The following PRKG1 variants were observed in gnomAD, a reference collection of about 807,000 sequenced individuals.
PRKG1 encodes the protein protein kinase cGMP-dependent 1.
PRKG1 carries 35 observed loss-of-function variants against 88.1 expected under a neutral mutation model. That is an observed-to-expected ratio of 0.40 (90% CI 0.30 to 0.53). The LOEUF is 0.53. Ranked by LOEUF, PRKG1 falls within the 20% of genes least tolerant of loss-of-function variation. The pLI, the probability that PRKG1 is intolerant of heterozygous loss-of-function variation, is 0.59. For synonymous variants in PRKG1, 303 were observed against 292.5 expected, an observed-to-expected ratio of 1.04 and a Z score of -0.37; for missense variants, 540 against 839.8, an observed-to-expected ratio of 0.64 and a Z score of 4.41.
chr10:51,475,047 G>C (rs1840153490), intron 3 of PRKG1, among the ~76,000 whole-genome samples: 1 of 151,952 alleles, frequency 6.6e-6, no homozygotes, highest in African/African-American at 2.4e-5. Context: ...AGAAAATGCA[G>C]GCCAGGATCA....
chr10:51,484,854 GT>G (rs11317976), intron 3 of PRKG1, among the ~76,000 whole-genome samples: 49,212 of 152,086 alleles, frequency 0.32, 9,545 homozygotes, highest in East Asian at 0.84. Flanking sequence ...AAATACTTGT[GT>G]TGCTGCTGTT....
chr10:51,984,246 A>G (rs551751454), intron 5 of PRKG1, among the ~76,000 whole-genome samples: 105 of 152,340 alleles, frequency 6.9e-4, no homozygotes, highest in African/African-American at 2.5e-3. Flanking sequence ...GCATTATTGA[A>G]GACATTATGC....
chr10:51,176,333 C>A (rs562335883), intron 2 of PRKG1, among the ~76,000 whole-genome samples: 1 of 152,052 alleles, frequency 6.6e-6, no homozygotes, highest in East Asian at 1.9e-4. Context: ...GCATTTTGCC[C>A]GTCAGGTGCA....
At chr10:52,081,671 A>G in intron 7 of PRKG1, 1 of 456,642 alleles carries the variant, frequency 2.2e-6, no homozygotes, top group South Asian at 1.5e-5. Context: ...AGGAGTAACG[A>G]GAAAAAGAAG....
intron 5 of PRKG1, among the ~76,000 whole-genome samples, chr10:51,933,907 G>A (rs7096762): frequency 0.26 from 39,001 of 151,878 alleles, 5,318 homozygotes; most frequent in Non-Finnish European, 0.29. Flanking sequence ...ACACAAACAT[G>A]AATAACACTT....
chr10:51,185,860 C>A (rs1415457156), intron 2 of PRKG1, among the ~76,000 whole-genome samples: 3 of 151,636 alleles, frequency 2.0e-5, no homozygotes, highest in African/African-American at 7.2e-5. Context: ...GCAGTGAATA[C>A]TTCTTATACT....
In PRKG1 at chr10:51,066,990, T is replaced by C. The variant is rs559566022; in HGVS notation, c.266+75346T>C. Among the ~76,000 whole-genome samples the C allele has an allele frequency of 1.1e-4, 17 of 152,174 alleles. No homozygotes were observed. The South Asian group carries it at 3.3e-3, about 30-fold the overall frequency. ...TGCTTAAGATCCATGATAACTATGT[T>C]TTCTTCCTGTCACTTTGAATATTTT... is the stretch of plus-strand genomic sequence containing the variant. On this transcript the variant is annotated intron_variant, in intron 1 of 17. Coordinates refer to the PRKG1 transcript ENST00000401604.
chr10:52,196,162 G>A (rs1271002175), intron 9 of PRKG1, among the ~76,000 whole-genome samples: 1 of 151,900 alleles, frequency 6.6e-6, no homozygotes, highest in Non-Finnish European at 1.5e-5. Flanking sequence ...ACAGGCACCC[G>A]CCACCACGCC....
intron 2 of PRKG1, among the ~76,000 whole-genome samples, chr10:51,332,947 A>G (rs1322402511): frequency 1.3e-5 from 2 of 152,196 alleles, no homozygotes; most frequent in Admixed American, 6.5e-5. Context: ...AGAGAGTGCT[A>G]TCTCCTTTAA....
At chr10:51,250,415 T>A (rs1383999561) in intron 2 of PRKG1, among the ~76,000 whole-genome samples, 3 of 151,806 alleles carry the variant, frequency 2.0e-5, no homozygotes, top group African/African-American at 7.2e-5. Context: ...GGAAGTATGT[T>A]TCAGAATGAT....
intron 2 of PRKG1, among the ~76,000 whole-genome samples, chr10:51,211,637 T>C (rs1475828491): frequency 6.6e-6 from 1 of 152,302 alleles, no homozygotes; most frequent in East Asian, 1.9e-4. Context: ...ACAAAATCAA[T>C]GTACAAAAAT....
chr10:51,773,783 T>A (rs1346241264), intron 3 of PRKG1, among the ~76,000 whole-genome samples: 2 of 152,064 alleles, frequency 1.3e-5, no homozygotes, highest in Non-Finnish European at 2.9e-5. Context: ...ACACTCCTCT[T>A]TTACATTTGA....
chr10:51,196,437 C>A (rs551070489), intron 2 of PRKG1, among the ~76,000 whole-genome samples: 133 of 152,076 alleles, frequency 8.7e-4, no homozygotes, highest in African/African-American at 3.1e-3. Context: ...AATCACAGTG[C>A]TTATAGGAAG....
chr10:51,181,228 T>TTTC (rs1837335080), intron 2 of PRKG1, among the ~76,000 whole-genome samples: 1 of 115,990 alleles, frequency 8.6e-6, no homozygotes, highest in East Asian at 2.4e-4. Context: ...TATAGAATTT[T>TTTC]TTTTTTTTTT....
chr10:51,928,020 G>A (rs1044146872), intron 5 of PRKG1, among the ~76,000 whole-genome samples: 1 of 152,104 alleles, frequency 6.6e-6, no homozygotes, highest in Admixed American at 6.6e-5. Context: ...CAACTTTCAG[G>A]AAACAGGTCA....
intron 1 of PRKG1, among the ~76,000 whole-genome samples, chr10:51,030,957 C>G (rs1017627896): frequency 6.6e-6 from 1 of 152,152 alleles, no homozygotes; most frequent in Non-Finnish European, 1.5e-5. Flanking sequence ...AAAACTACCT[C>G]TCAGTTTCAG....
intron 3 of PRKG1, among the ~76,000 whole-genome samples, chr10:51,562,442 G>C (rs1017485312): frequency 6.6e-6 from 1 of 152,048 alleles, no homozygotes; most frequent in Non-Finnish European, 1.5e-5. Flanking sequence ...TCTAAGTGGA[G>C]ATAGTAGGAA....
At chr10:51,294,991 G>A (rs1036566996) in intron 2 of PRKG1, among the ~76,000 whole-genome samples, 15 of 152,132 alleles carry the variant, frequency 9.9e-5, no homozygotes, top group Non-Finnish European at 2.1e-4. Flanking sequence ...ACTGAGGGGG[G>A]AGGATTGCTT....
intron 17 of PRKG1, among the ~76,000 whole-genome samples, chr10:52,292,489 A>G (rs1842274078): frequency 6.6e-6 from 1 of 151,938 alleles, no homozygotes; most frequent in Non-Finnish European, 1.5e-5. Flanking sequence ...ATGGCTAGCC[A>G]GTTTTCCCAG....
Sources: gnomAD v4.1 joint callset for allele counts (sites outside exome capture counted in the v4.1 genomes callset) on GRCh38, gnomAD v4.1.1 for gene constraint, MANE v1.5 for transcripts, NCBI Gene and HGNC (gene_info 2026-07-23, HGNC 2026-07-21) for gene names.